The following MEIS2 variants were observed in gnomAD, a reference collection of about 807,000 sequenced individuals.
MEIS2 encodes the protein homeobox protein Meis2.
Under a neutral mutation model 58.6 loss-of-function variants are expected in MEIS2, and 9 were observed. That is an observed-to-expected ratio of 0.15 (90% CI 0.09 to 0.27). The LOEUF (loss-of-function observed/expected upper bound fraction) is 0.27, where lower values mean the gene tolerates loss of function less well. MEIS2 is among the 10% of genes least tolerant of loss of function. MEIS2 has a pLI of 1.00. For missense variants in MEIS2, 427 were observed against 635.0 expected (o/e 0.67, Z 3.52); for synonymous variants, 221 against 228.4 (o/e 0.97, Z 0.29).
At chr15:37,019,808 C>T (rs1398484377) in intron 8 of MEIS2, among the ~76,000 whole-genome samples, 1 of 152,144 alleles carries the variant, frequency 6.6e-6, no homozygotes, top group African/African-American at 2.4e-5. Context: ...GTGACAAAAT[C>T]CAAAACCACA....
chr15:37,096,633 T>C, intron 2 of MEIS2: 1 of 494,654 alleles, frequency 2.0e-6, no homozygotes, highest in East Asian at 3.7e-5. Flanking sequence ...CTCCCGCAGC[T>C]CAGAGGTCCC....
intron 8 of MEIS2, among the ~76,000 whole-genome samples, chr15:37,026,158 A>G (rs1434657448): frequency 6.6e-6 from 1 of 152,144 alleles, no homozygotes; most frequent in Non-Finnish European, 1.5e-5. Flanking sequence ...ACCATGGGGA[A>G]AAAAAATAAG....
chr15:36,971,103 T>TG (rs1307801135), intron 8 of MEIS2, among the ~76,000 whole-genome samples: 9 of 143,398 alleles, frequency 6.3e-5, no homozygotes, highest in East Asian at 4.2e-4. Flanking sequence ...GTGGTGGGCT[T>TG]GGGGGGGTGG....
intron 9 of MEIS2, among the ~76,000 whole-genome samples, chr15:36,907,727 G>A (rs1461350652): frequency 6.6e-6 from 1 of 152,148 alleles, no homozygotes; most frequent in Admixed American, 6.5e-5. Flanking sequence ...AACCATAAGT[G>A]AGAAATCTCC....
At chr15:37,003,333 C>A (rs536992782) in intron 8 of MEIS2, among the ~76,000 whole-genome samples, 1 of 138,746 alleles carries the variant, frequency 7.2e-6, no homozygotes, top group South Asian at 2.8e-4. Context: ...AATAAGTCTT[C>A]CAGGGTAAAC....
At chr15:37,058,195 T>C (rs1888705241) in intron 7 of MEIS2, among the ~76,000 whole-genome samples, 1 of 152,102 alleles carries the variant, frequency 6.6e-6, no homozygotes, top group Non-Finnish European at 1.5e-5. Flanking sequence ...ATGGGCTTAA[T>C]TCCCTGCCTG....
At chr15:36,995,989 A>G (rs867099458) in intron 8 of MEIS2, among the ~76,000 whole-genome samples, 27 of 50,908 alleles carry the variant, frequency 5.3e-4, no homozygotes, top group African/African-American at 1.3e-3. Context: ...ATATATATAT[A>G]TATATATATA....
At chr15:36,895,483 G>A (rs2056125850) in intron 10 of MEIS2, among the ~76,000 whole-genome samples, 2 of 152,098 alleles carry the variant, frequency 1.3e-5, no homozygotes, top group African/African-American at 4.8e-5. Context: ...GTTTCCCAGG[G>A]GGTTCGTCCT....
chr15:37,098,420 GAGAGAA>G, intron 1 of MEIS2: 1 of 1,115,740 alleles, frequency 9.0e-7, no homozygotes, highest in Non-Finnish European at 1.1e-6. Context: ...GAGAGAGAGA[GAGAGAA>G]AATAAAAATA....
Position 36,892,183 on chromosome 15 carries a change from T to C in MEIS2, c.1424A>G (p.His475Arg), listed in dbSNP as rs751839152. The C allele has an allele frequency of 1.9e-6, 3 of 1,614,244 alleles. No individual in the cohort carries two copies. The highest frequency in any genetic ancestry group is 1.7e-6 in the Non-Finnish European group (2 of 1,180,034). The change falls in exon 12 of 12, where the codon CAT (histidine) becomes CGT (arginine). Residue 475 changes from histidine (H) to arginine (R), a missense_variant. His to Arg is a conservative substitution (Grantham distance 29, BLOSUM62 0). Coordinates refer to ENST00000561208, the MANE Select transcript of MEIS2 (RefSeq NM_170675.5). ...TTGAGTTCCCTTATACTATTGGGCA[T>C]GAATGTCCATAACCTGTCCGCCAAC... is the stretch of plus-strand genomic sequence containing the variant. ...PNVGGQVMDI[H>R]AQ
intron 9 of MEIS2, among the ~76,000 whole-genome samples, chr15:36,913,709 C>G (rs61535529): frequency 0.019 from 2,929 of 151,958 alleles, 70 homozygotes; most frequent in African/African-American, 0.061. Context: ...TTAAATCCCA[C>G]TTGACTTCAC....
intron 9 of MEIS2, among the ~76,000 whole-genome samples, chr15:36,922,745 C>T (rs1463106520): frequency 1.3e-5 from 2 of 151,370 alleles, no homozygotes; most frequent in East Asian, 1.9e-4. Context: ...CTCAGCTTCC[C>T]GAGTAGCTGG....
At chr15:36,955,117 C>T (rs1429613721) in intron 8 of MEIS2, among the ~76,000 whole-genome samples, 5 of 152,146 alleles carry the variant, frequency 3.3e-5, no homozygotes, top group Admixed American at 3.3e-4. Flanking sequence ...TTCAATGGTC[C>T]TTAATTTAAT....
At chr15:37,070,065 C>A (rs1175053077) in intron 7 of MEIS2, among the ~76,000 whole-genome samples, 1 of 152,068 alleles carries the variant, frequency 6.6e-6, no homozygotes, top group East Asian at 1.9e-4. Flanking sequence ...TAAAAGTCTG[C>A]TGGGATCCTC....
At chr15:37,005,624 G>A (rs925363795) in intron 8 of MEIS2, among the ~76,000 whole-genome samples, 5 of 152,088 alleles carry the variant, frequency 3.3e-5, no homozygotes, top group Admixed American at 6.6e-5. Flanking sequence ...GTGCAGTAGC[G>A]TGATCTCTGC....
chr15:36,902,367 G>A (rs976042047), intron 9 of MEIS2, among the ~76,000 whole-genome samples: 1 of 152,194 alleles, frequency 6.6e-6, no homozygotes, highest in Non-Finnish European at 1.5e-5. Context: ...AATGTACAAT[G>A]CTATGGTGGA....
chr15:37,010,738 A>G (rs2061120883), intron 8 of MEIS2, among the ~76,000 whole-genome samples: 1 of 152,246 alleles, frequency 6.6e-6, no homozygotes, highest in South Asian at 2.1e-4. Flanking sequence ...TCAGCTGTTT[A>G]AAATGAATTT....
intron 9 of MEIS2, among the ~76,000 whole-genome samples, chr15:36,900,258 T>C (rs943735733): frequency 1.3e-5 from 2 of 152,160 alleles, no homozygotes; most frequent in Non-Finnish European, 2.9e-5. Context: ...AGATTTCACT[T>C]AGAAAAAAAA....
chr15:36,915,523 G>C (rs1322263082), intron 9 of MEIS2, among the ~76,000 whole-genome samples: 1 of 152,066 alleles, frequency 6.6e-6, no homozygotes, highest in African/African-American at 2.4e-5. Flanking sequence ...TAAATCCCTG[G>C]CACCAAAAGG....
Sources: gnomAD v4.1 joint callset for allele counts (sites outside exome capture counted in the v4.1 genomes callset) on GRCh38, gnomAD v4.1.1 for gene constraint, MANE v1.5 for transcripts, NCBI Gene and HGNC (gene_info 2026-07-23, HGNC 2026-07-21) for gene names.